Variants in MOB3B observed in about 807,000 individuals in gnomAD.
The protein encoded by MOB3B is MOB kinase activator 3B, also known as MOB kinase activator-like 2B.
In MOB3B, 7 loss-of-function variants were observed where a neutral mutation model predicts 18.7. That is an observed-to-expected ratio of 0.37 (90% CI 0.21 to 0.70). MOB3B has a LOEUF of 0.70. MOB3B is among the 30% of genes least tolerant of loss of function. MOB3B has a pLI of 0.52. For missense variants in MOB3B, 253 were observed against 281.3 expected, an observed-to-expected ratio of 0.90 and a Z score of 0.72; for synonymous variants, 111 against 99.9, an observed-to-expected ratio of 1.11 and a Z score of -0.66.
chr9:27,365,665 A>G lies in MOB3B; in HGVS notation c.419-6429T>C, dbSNP rs529135943. Among the ~76,000 whole-genome samples, 7 of 152,270 alleles carry G rather than the reference A, an allele frequency of 4.6e-5. No homozygotes were observed. The South Asian group carries it at 1.0e-3, about 23-fold the overall frequency. ...ATGCCCTTCTCTCTATCCTACCCTG[A>G]GCTACCACCAGTGGCTCTTAGCTTA... is the stretch of plus-strand genomic sequence containing the variant. On this transcript the variant is annotated intron_variant, in intron 2 of 3. Coordinates refer to ENST00000262244, the MANE Select transcript of MOB3B (RefSeq NM_024761.5).
intron 2 of MOB3B, among the ~76,000 whole-genome samples, chr9:27,395,243 C>T (rs74620683): frequency 0.041 from 6,263 of 152,114 alleles, 427 homozygotes; most frequent in African/African-American, 0.14. Flanking sequence ...TACTGTGTTG[C>T]ATATAGTTAA....
intron 1 of MOB3B, among the ~76,000 whole-genome samples, chr9:27,478,515 T>C (rs1000721629): frequency 2.6e-5 from 4 of 151,844 alleles, no homozygotes; most frequent in African/African-American, 9.7e-5. Flanking sequence ...GAAAAACATG[T>C]TAAATTGCAT....
chr9:27,327,905 C>T lies in MOB3B; in HGVS notation c.*2682G>A, dbSNP rs968573488. The T allele has an allele frequency of 2.0e-5, 3 of 151,744 alleles. No homozygotes were observed. The highest frequency in any genetic ancestry group is 4.4e-5 in the Non-Finnish European group (3 of 67,968). The allele number at this position is 151,744 out of a possible 1,614,324, so 9.4% of individuals were successfully genotyped here. A position where few individuals can be genotyped will look rare whatever the true frequency, so the allele number is the denominator to read the frequency against. On this transcript the variant is annotated 3_prime_UTR_variant, in exon 4 of 4. Transcript: ENST00000262244. Reference sequence around the variant, plus strand: ...GTCTGCAACTTATTTTCAGAAGGTTCAAGAATAAGAATGTGTATTTACAGT... The same window carrying T: ...GTCTGCAACTTATTTTCAGAAGGTTTAAGAATAAGAATGTGTATTTACAGT...
chr9:27,500,995 A>G (rs922833276), intron 1 of MOB3B, among the ~76,000 whole-genome samples: 2 of 152,240 alleles, frequency 1.3e-5, no homozygotes, highest in African/African-American at 4.8e-5. Flanking sequence ...AACATATGAA[A>G]AAAAAACCTC....
chr9:27,348,704 T>C (rs992858295), intron 3 of MOB3B, among the ~76,000 whole-genome samples: 1 of 151,782 alleles, frequency 6.6e-6, no homozygotes, highest in Non-Finnish European at 1.5e-5. Flanking sequence ...TTTCCTTTAG[T>C]GTGGGCTGGA....
chr9:27,393,772 C>T (rs1361033410), intron 2 of MOB3B, among the ~76,000 whole-genome samples: 2 of 152,166 alleles, frequency 1.3e-5, no homozygotes, highest in African/African-American at 4.8e-5. Context: ...CTTAAGCGAA[C>T]ACTTGCTTAA....
rs367632463 is a variant in MOB3B, at chr9:27,335,007, T to C, written c.622-4391A>G. On this transcript the variant is annotated intron_variant, in intron 3 of 3. Transcript: ENST00000262244. The stretch of plus-strand genomic sequence containing the variant: ...CCCGGCTAATTTTTTGTATTTTTAG[T>C]AGTTAGCCAGGATGGTCTCGATCTC... Among the ~76,000 whole-genome samples the C allele has an allele frequency of 4.6e-3, 693 of 152,224 alleles. 7 individuals carry two copies. The highest frequency in any genetic ancestry group is 0.016 in the African/African-American group (674 of 41,534).
At chr9:27,518,515 G>A (rs1165755114) in intron 1 of MOB3B, among the ~76,000 whole-genome samples, 1 of 152,238 alleles carries the variant, frequency 6.6e-6, no homozygotes, top group Non-Finnish European at 1.5e-5. Flanking sequence ...CTAAAACAGA[G>A]AGTAGGTTTT....
At chr9:27,396,749 AT>A (rs1454241617) in intron 2 of MOB3B, 1 of 152,198 alleles carries the variant, frequency 6.6e-6, no homozygotes, top group Non-Finnish European at 1.5e-5. Flanking sequence ...CAGTGTCTCC[AT>A]AAAATTCATT....
intron 1 of MOB3B, among the ~76,000 whole-genome samples, chr9:27,515,459 C>T (rs1404868129): frequency 6.6e-6 from 1 of 152,158 alleles, no homozygotes; most frequent in Non-Finnish European, 1.5e-5. Flanking sequence ...TCCCAGTTTC[C>T]ATTTCCTCCT....
At chr9:27,471,983 C>G (rs1446164632) in intron 1 of MOB3B, among the ~76,000 whole-genome samples, 1 of 152,134 alleles carries the variant, frequency 6.6e-6, no homozygotes, top group Non-Finnish European at 1.5e-5. Context: ...TTTTTAAATA[C>G]CAAATATCTT....
intron 2 of MOB3B, among the ~76,000 whole-genome samples, chr9:27,376,595 T>TA (rs1821492800): frequency 6.6e-6 from 1 of 152,094 alleles, no homozygotes; most frequent in South Asian, 2.1e-4. Flanking sequence ...CCAGGGAACA[T>TA]AAAAAAATAG....
chr9:27,359,381 G>GT (rs200568401), intron 2 of MOB3B, 145 bp from the exon 3 acceptor site: 11 of 560,034 alleles, frequency 2.0e-5, no homozygotes, highest in East Asian at 1.6e-4. Flanking sequence ...GTGTGTGTGG[G>GT]GGGGGGGGGT....
At chr9:27,435,815 G>A (rs1025279579) in intron 2 of MOB3B, among the ~76,000 whole-genome samples, 1 of 152,036 alleles carries the variant, frequency 6.6e-6, no homozygotes. Flanking sequence ...TGGCCAGGCT[G>A]GTCTTGAACT....
At position 27,326,749 on chromosome 9, in the gene MOB3B, G is replaced by T. The variant is rs1028686816; in HGVS notation, c.*3838C>A. 7.6e-6 allele frequency: 3 copies of T among 396,384 alleles called. No homozygotes were observed. The highest frequency in any genetic ancestry group is 6.2e-5 in the African/African-American group (3 of 48,598). 24.6% of individuals were successfully genotyped at this position (396,384 alleles called of 1,614,324 possible). A position where few individuals can be genotyped will look rare whatever the true frequency, so the allele number is the denominator to read the frequency against. On this transcript the variant is annotated 3_prime_UTR_variant, in exon 4 of 4. Coordinates refer to ENST00000262244, the MANE Select transcript of MOB3B (RefSeq NM_024761.5). Reference sequence around the variant, plus strand: ...ACGAACAATTTAAGAAGCAGGAAATGACTCTAGATCAGTATTTCTCAATTA... The same window carrying T: ...ACGAACAATTTAAGAAGCAGGAAATTACTCTAGATCAGTATTTCTCAATTA...
At chr9:27,522,294 TACTTGCTCACCACAGAAA>T (rs1820348694) in intron 1 of MOB3B, among the ~76,000 whole-genome samples, 2 of 82,530 alleles carry the variant, frequency 2.4e-5, no homozygotes, top group African/African-American at 8.7e-5. Flanking sequence ...GAAAAAGAAA[TACTTGCTCACCACAGAAA>T]ACTTAAAAAA....
At chr9:27,378,128 T>C (rs1488166527) in intron 2 of MOB3B, among the ~76,000 whole-genome samples, 1 of 152,178 alleles carries the variant, frequency 6.6e-6, no homozygotes, top group Non-Finnish European at 1.5e-5. Context: ...CTAAGAGAGG[T>C]TAAACTTTCT....
chr9:27,458,716 A>C (rs376137288), intron 1 of MOB3B, among the ~76,000 whole-genome samples: 2 of 151,252 alleles, frequency 1.3e-5, no homozygotes, highest in African/African-American at 4.8e-5. Flanking sequence ...ATGCCTGGCT[A>C]AGTATTTTAT....
At chr9:27,436,494 G>A (rs1047122077) in intron 2 of MOB3B, among the ~76,000 whole-genome samples, 2 of 152,118 alleles carry the variant, frequency 1.3e-5, no homozygotes, top group Non-Finnish European at 2.9e-5. Context: ...CTCACTGTCT[G>A]GCATGTGTGA....
Sources: gnomAD v4.1 joint callset for allele counts (sites outside exome capture counted in the v4.1 genomes callset) on GRCh38, gnomAD v4.1.1 for gene constraint, MANE v1.5 for transcripts, NCBI Gene and HGNC (gene_info 2026-07-23, HGNC 2026-07-21) for gene names.